MYH9: variants seen among roughly 807,000 people sequenced by gnomAD.
MYH9 encodes myosin-9.
Under a neutral mutation model 241.9 loss-of-function variants are expected in MYH9, and 29 were observed. The observed-to-expected ratio is 0.12, with a 90% CI of 0.09 to 0.16. MYH9 has a LOEUF of 0.16. MYH9 is among the 10% of genes least tolerant of loss of function. The pLI is 1.00. For synonymous variants in MYH9, 1,047 were observed against 1,062.6 expected, an observed-to-expected ratio of 0.99 and a Z score of 0.29; for missense variants, 1,803 against 2,595.5, an observed-to-expected ratio of 0.69 and a Z score of 6.63.
chr22:36,301,742 C>G lies in MYH9; in HGVS notation c.2500-77G>C, dbSNP rs980928322. 632 of 1,583,894 alleles carry G rather than the reference C, an allele frequency of 4.0e-4. 2 individuals are homozygous for G. Among genetic ancestry groups the G allele is most frequent in the Non-Finnish European group, 3.8e-4 (438 of 1,165,512 alleles). On this transcript the variant is annotated intron_variant, in intron 20 of 40. Transcript: ENST00000216181. ...CTGCCAACAGGTGTGAGGCCTCTCC[C>G]TCACCTCTGGAAACATGAAAGTGAG...
chr22:36,375,126 A>T (rs1011181609), intron 1 of MYH9, among the ~76,000 whole-genome samples: 20 of 152,154 alleles, frequency 1.3e-4, no homozygotes, highest in Admixed American at 1.2e-3. Context: ...TCCTAGTAGG[A>T]GTCACTGCTG....
chr22:36,318,956 G>A (rs1168776435), intron 10 of MYH9, among the ~76,000 whole-genome samples: 1 of 152,056 alleles, frequency 6.6e-6, no homozygotes, highest in African/African-American at 2.4e-5. Context: ...TAGAGATGGG[G>A]TTTCACAATG....
In MYH9 at chr22:36,286,831, A is replaced by T; in HGVS notation, c.4948T>A (p.Cys1650Ser). The T allele has an allele frequency of 6.2e-7, 1 of 1,608,922 alleles. No homozygotes were observed. The highest frequency in any genetic ancestry group is 8.5e-7 in the Non-Finnish European group (1 of 1,180,004). Residue 1650 changes from cysteine (C) to serine (S), a missense_variant, in exon 35 of 41, where the codon TGC (cysteine) becomes AGC (serine). By Grantham distance (112) the Cys-to-Ser change is moderately radical (BLOSUM62 -1). Transcript: ENST00000216181. Reference protein sequence around the residue: ...LRKLQAQMKDCMRELDDTRAS... With the variant: ...LRKLQAQMKDSMRELDDTRAS... ...CGGGTGTCATCCAGCTCGCGCATGCAGTCCTTCATCTGGGCCTGGGGTGGG... is the reference window on the plus strand; with the variant it reads ...CGGGTGTCATCCAGCTCGCGCATGCTGTCCTTCATCTGGGCCTGGGGTGGG...
intron 3 of MYH9, among the ~76,000 whole-genome samples, chr22:36,334,283 G>A (rs1395789442): frequency 2.6e-5 from 4 of 152,200 alleles, no homozygotes; most frequent in Admixed American, 2.0e-4. Context: ...GCATCAGCTC[G>A]AGGACAGCGC....
rs1158286758 is a variant in MYH9 at position 36,316,564 on chromosome 22, C to T, written c.1333G>A (p.Ala445Thr). 2 of 1,614,116 alleles carry T rather than the reference C, an allele frequency of 1.2e-6. No individual in the cohort carries two copies. Among genetic ancestry groups the T allele is most frequent in the African/African-American group, 1.3e-5 (1 of 75,016 alleles). Residue 445 changes from alanine to threonine, a missense_variant, in exon 12 of 41, where the codon GCC becomes ACC. This residue lies in a region of MYH9 where 222 missense variants were observed against 359.9 expected (regional missense o/e 0.62). Transcript: ENST00000216181. ...KALDKTKRQG[A>T]SFIGILDIAG... ...ATGTCCAGGATCCCGATGAAGGAGG[C>T]GCCCTGCCTCTTGGTCTTGTCCAGA...
chr22:36,333,880 C>T (rs914484867), intron 3 of MYH9, among the ~76,000 whole-genome samples: 3 of 152,054 alleles, frequency 2.0e-5, no homozygotes, highest in Non-Finnish European at 2.9e-5. Context: ...CACGGGAGGC[C>T]AAAAGCACGA....
intron 3 of MYH9, among the ~76,000 whole-genome samples, chr22:36,332,660 T>TA (rs2017440975): frequency 1.7e-4 from 4 of 22,866 alleles, no homozygotes; most frequent in Non-Finnish European, 3.1e-4. Context: ...CTCTGGATAA[T>TA]TAAAAAAAAA....
At chr22:36,333,094 T>TGGG (rs1369503808) in intron 3 of MYH9, among the ~76,000 whole-genome samples, 1 of 152,186 alleles carries the variant, frequency 6.6e-6, no homozygotes, top group Non-Finnish European at 1.5e-5. Context: ...GGGAAGGAGC[T>TGGG]GGGACACACA....
Position 36,305,602 on chromosome 22 carries a change from A to G in MYH9, c.2159+328T>C, listed in dbSNP as rs2016955919. 6.6e-6 allele frequency among the ~76,000 whole-genome samples: 1 copy of G among 152,240 alleles called. No homozygotes were observed. The highest frequency in any genetic ancestry group is 2.1e-4 in the South Asian group (1 of 4,834). ...GTTTCATTTCCACAAAGTTCCTGTAATATCCTAGGTCTCTGGCTGATTCTT... is the reference window on the plus strand; with the variant it reads ...GTTTCATTTCCACAAAGTTCCTGTAGTATCCTAGGTCTCTGGCTGATTCTT... On this transcript the variant is annotated intron_variant, in intron 17 of 40. Transcript: ENST00000216181. The surrounding 1 kb of genome is among the most constrained non-coding windows in gnomAD (Gnocchi z 4.7).
intron 1 of MYH9, 147 bp downstream of exon 1, chr22:36,387,660 C>T (rs982637381): frequency 6.6e-6 from 1 of 151,436 alleles, no homozygotes; most frequent in Non-Finnish European, 1.5e-5. Context: ...GGTGCCGGGC[C>T]CTGAGCCGCC....
At position 36,282,408 on chromosome 22, in the gene MYH9, GCT is replaced by G. The variant is rs1218404882; in HGVS notation, c.*258_*259del. 5 of 598,576 alleles carry G rather than the reference GCT, an allele frequency of 8.4e-6. No individual in the cohort carries two copies. Among genetic ancestry groups the G allele is most frequent in the Non-Finnish European group, 1.5e-5 (5 of 333,452 alleles). 37.1% of individuals were successfully genotyped at this position (598,576 alleles called of 1,614,324 possible). A position where few individuals can be genotyped will look rare whatever the true frequency, so the allele number is the denominator to read the frequency against. On this transcript the variant is annotated 3_prime_UTR_variant, in exon 41 of 41. Transcript: ENST00000216181. ...GAGAGGGCTGAGGAGCCTGCTGGTCGCTCTCTGCCTGGGCCCGGGCCCTGTCT... is the reference window on the plus strand; with the variant it reads ...GAGAGGGCTGAGGAGCCTGCTGGTCGCTCTGCCTGGGCCCGGGCCCTGTCT...
intron 1 of MYH9, among the ~76,000 whole-genome samples, chr22:36,385,882 G>C (rs1384150303): frequency 6.6e-6 from 1 of 152,112 alleles, no homozygotes; most frequent in South Asian, 2.1e-4. Context: ...TTCCAACACC[G>C]CATGCTTGCC....
chr22:36,296,159 CG>C (rs1490510823), intron 25 of MYH9, among the ~76,000 whole-genome samples: 1 of 152,084 alleles, frequency 6.6e-6, no homozygotes, highest in Non-Finnish European at 1.5e-5. Flanking sequence ...GGAGGCGGTG[CG>C]TGAGTGGGGC....
chr22:36,288,621 G>A lies in MYH9; in HGVS notation c.4770+106C>T, dbSNP rs55840110. The A allele has an allele frequency of 0.044, 61,918 of 1,414,468 alleles. 1,571 individuals carry two copies. The highest frequency in any genetic ancestry group is 0.051 in the Non-Finnish European group (51,711 of 1,014,026). 87.6% of individuals were successfully genotyped at this position (1,414,468 alleles called of 1,614,324 possible). The stretch of plus-strand genomic sequence containing the variant: ...AAAGAAGGAATATGGGAGGGGAGGC[G>A]TGGTCAAGGGGCCCTAACACAATCC... On this transcript the variant is annotated intron_variant, in intron 33 of 40. Transcript: ENST00000216181. The surrounding 1 kb of genome is among the most constrained non-coding windows in gnomAD (Gnocchi z 4.8).
rs185260008 is a variant in MYH9, at chr22:36,282,658, G to A, written c.*10C>T. ...TCTGTCCATCCATCTCAGGCTGCAG[G>A]AGAAGAGGCTTATTCGGCAGGTTTG... On this transcript the variant is annotated 3_prime_UTR_variant, in exon 41 of 41. Coordinates refer to ENST00000216181, the MANE Select transcript of MYH9 (RefSeq NM_002473.6). 3.7e-6 allele frequency: 6 copies of A among 1,612,308 alleles called. No individual in the cohort carries two copies. The East Asian group carries it at 1.3e-4, about 36-fold the overall frequency.
intron 5 of MYH9, among the ~76,000 whole-genome samples, chr22:36,324,057 T>C (rs1318789244): frequency 1.3e-5 from 2 of 152,216 alleles, no homozygotes; most frequent in Non-Finnish European, 1.5e-5. Flanking sequence ...GCTGCCAGGC[T>C]GGCTGAACCG....
intron 25 of MYH9, among the ~76,000 whole-genome samples, 177 bp downstream of exon 25, chr22:36,296,665 AG>A (rs2016792663): frequency 1.3e-5 from 2 of 151,360 alleles, no homozygotes; most frequent in African/African-American, 2.4e-5. Flanking sequence ...AAGACAAATG[AG>A]GCCCCTCACC....
At chr22:36,322,235 C>T (rs1347587640) in intron 6 of MYH9, among the ~76,000 whole-genome samples, 194 bp downstream of exon 6, 2 of 152,256 alleles carry the variant, frequency 1.3e-5, no homozygotes, top group Admixed American at 1.3e-4. Flanking sequence ...TCGTGGCCTT[C>T]GTCCTTAAGA....
At position 36,285,333 on chromosome 22, in the gene MYH9, C is replaced by T. The variant is rs2016561904; in HGVS notation, c.5275-4G>A. ...GGTCGGTGTTGATCTGGTCGATCTG[C>T]AGAAGAAGGGCCAGTGACCTTGGGG... On this transcript the variant is annotated splice_polypyrimidine_tract_variant and splice_region_variant and intron_variant, in intron 37 of 40. Coordinates refer to ENST00000216181, the MANE Select transcript of MYH9 (RefSeq NM_002473.6). This position sits in a 1 kb window ranked among gnomAD's most constrained non-coding sequence, Gnocchi z 7.0. 9 of 1,607,400 alleles carry T rather than the reference C, an allele frequency of 5.6e-6. No individual in the cohort carries two copies. Among genetic ancestry groups the T allele is most frequent in the Non-Finnish European group, 6.8e-6 (8 of 1,179,988 alleles).
Sources: allele counts gnomAD v4.1 joint callset (sites outside exome capture counted in the v4.1 genomes callset), GRCh38; gene constraint gnomAD v4.1.1; regional missense constraint gnomAD v4.1.1; non-coding constraint Gnocchi (gnomAD v3.1); transcripts MANE v1.5; gene names NCBI Gene and HGNC (gene_info 2026-07-23, HGNC 2026-07-21).